The following RGS8 variants were observed in gnomAD, a reference collection of about 807,000 sequenced individuals.
RGS8 encodes the protein regulator of G protein signaling 8.
A neutral mutation model predicts 21.7 loss-of-function variants in RGS8; 8 were observed. The observed-to-expected ratio is 0.37, with a 90% confidence interval of 0.22 to 0.66. RGS8 has a LOEUF of 0.66. RGS8 is among the 30% of genes least tolerant of loss of function. RGS8 has a pLI of 0.59. For missense variants in RGS8, 157 were observed against 217.9 expected, an observed-to-expected ratio of 0.72 and a Z score of 1.76; for synonymous variants, 80 against 83.6, an observed-to-expected ratio of 0.96 and a Z score of 0.24.
rs574128018 is a variant in RGS8, at chr1:182,650,264, A to C, written c.194-1961T>G. Among the ~76,000 whole-genome samples the C allele has an allele frequency of 3.9e-5, 6 of 152,278 alleles. No homozygotes were observed. In the East Asian group the frequency reaches 1.2e-3, roughly 29 times the overall value. On this transcript the variant is annotated intron_variant, in intron 5 of 6. Transcript: ENST00000483095. ...ACCTGGGCATCTGACGTCCACCACT[A>C]TCCACCAGGACCGTGCACTGGCCAG...
At chr1:182,701,797 G>C in the RGS8 span, among the ~76,000 whole-genome samples, 1 of 152,100 alleles carries the variant, frequency 6.6e-6, no homozygotes, top group South Asian at 2.1e-4. Flanking sequence ...CACTGCTGGG[G>C]TTCTCTACTT....
intron 5 of RGS8, among the ~76,000 whole-genome samples, chr1:182,664,284 T>TA (rs1553220368): frequency 0.037 from 5,456 of 149,072 alleles, 206 homozygotes; most frequent in African/African-American, 0.091. Context: ...AAGTATCATT[T>TA]AAAAAAAAAA....
chr1:182,740,527 T>C, the RGS8 span, among the ~76,000 whole-genome samples: 2 of 144,620 alleles, frequency 1.4e-5, no homozygotes, highest in Non-Finnish European at 3.0e-5. Flanking sequence ...TTTGAACTCA[T>C]GTTGTTTTTT....
chr1:182,709,648 T>C, the RGS8 span, among the ~76,000 whole-genome samples: 5 of 152,174 alleles, frequency 3.3e-5, no homozygotes, highest in African/African-American at 1.2e-4. Flanking sequence ...CTCCCCTGCC[T>C]AGGTGGCAAG....
At chr1:182,653,880 G>A (rs1157290552) in intron 5 of RGS8, among the ~76,000 whole-genome samples, 1 of 152,230 alleles carries the variant, frequency 6.6e-6, no homozygotes, top group East Asian at 1.9e-4. Context: ...ATGAATGCAG[G>A]AAAGTTTCTC....
At chr1:182,662,032 G>A (rs6686466) in intron 5 of RGS8, among the ~76,000 whole-genome samples, 5,061 of 152,258 alleles carry the variant, frequency 0.033, 277 homozygotes, top group African/African-American at 0.12. Context: ...TGCTTAGCTA[G>A]TGGTTACTTC....
In RGS8 at chr1:182,655,289, CT is replaced by C. The variant is rs756388159; in HGVS notation, c.194-6987del. ...TGACCACTGAAGTGGAAGGAGAGGA[CT>C]CCCACTGTAGGGCAAGACAAGGAGG... On this transcript the variant is annotated intron_variant, in intron 5 of 6. Transcript: ENST00000483095. Among the ~76,000 whole-genome samples, 50 of 152,316 alleles carry C rather than the reference CT, an allele frequency of 3.3e-4. No individual in the cohort carries two copies. The East Asian group carries it at 6.7e-3, about 21-fold the overall frequency.
chr1:182,687,083 C>G (rs964560451), upstream of RGS8, among the ~76,000 whole-genome samples: 4 of 152,028 alleles, frequency 2.6e-5, no homozygotes, highest in Admixed American at 2.0e-4. Flanking sequence ...CAGTGCGTCT[C>G]AGACTTTAAG....
downstream of RGS8, chr1:182,645,473 G>A (rs947493408): frequency 6.6e-6 from 1 of 152,164 alleles, no homozygotes; most frequent in African/African-American, 2.4e-5. Context: ...CATCCTCCAA[G>A]GAAGAATTGC....
intron 5 of RGS8, among the ~76,000 whole-genome samples, chr1:182,665,757 A>G (rs1663826080): frequency 6.6e-6 from 1 of 152,216 alleles, no homozygotes; most frequent in Non-Finnish European, 1.5e-5. Context: ...CTTTGAACCC[A>G]GAAAACAGAA....
At chr1:182,711,840 T>A in the RGS8 span, among the ~76,000 whole-genome samples, 3 of 152,232 alleles carry the variant, frequency 2.0e-5, no homozygotes, top group Admixed American at 6.5e-5. Context: ...TAACCTGATC[T>A]TCCCATCATA....
chr1:182,744,898 A>G, the RGS8 span, among the ~76,000 whole-genome samples: 3 of 152,314 alleles, frequency 2.0e-5, no homozygotes, highest in African/African-American at 7.2e-5. Context: ...GCCACTCTCT[A>G]TTATCCCCTT....
the RGS8 span, among the ~76,000 whole-genome samples, chr1:182,700,084 G>A: frequency 1.3e-5 from 2 of 152,178 alleles, no homozygotes; most frequent in Non-Finnish European, 2.9e-5. Context: ...TGAGTCTTGA[G>A]TGCATAACAA....
At chr1:182,655,229 C>G (rs758136308) in intron 5 of RGS8, among the ~76,000 whole-genome samples, 1 of 152,206 alleles carries the variant, frequency 6.6e-6, no homozygotes, top group Non-Finnish European at 1.5e-5. Flanking sequence ...GCCTCTAGCT[C>G]TGTGTGACAG....
the RGS8 span, among the ~76,000 whole-genome samples, chr1:182,723,452 T>G: frequency 6.6e-6 from 1 of 152,166 alleles, no homozygotes; most frequent in Non-Finnish European, 1.5e-5. Flanking sequence ...GAAGTTTCTC[T>G]ATGACACAGA....
chr1:182,676,182 C>A (rs1344024988), upstream of RGS8, among the ~76,000 whole-genome samples: 1 of 152,158 alleles, frequency 6.6e-6, no homozygotes, highest in Non-Finnish European at 1.5e-5. Context: ...CATTGTCACA[C>A]AGGCCATGAG....
At chr1:182,690,402 T>A in the RGS8 span, among the ~76,000 whole-genome samples, 1 of 152,254 alleles carries the variant, frequency 6.6e-6, no homozygotes, top group Non-Finnish European at 1.5e-5. Flanking sequence ...CCTCACCTTA[T>A]CCCAGGTATT....
chr1:182,648,925 A>G (rs2102407264), intron 5 of RGS8, among the ~76,000 whole-genome samples: 1 of 152,244 alleles, frequency 6.6e-6, no homozygotes, highest in East Asian at 1.9e-4. Flanking sequence ...ACATGGCAAA[A>G]CGTCATCTCT....
chr1:182,652,404 G>A (rs895744597), intron 5 of RGS8, among the ~76,000 whole-genome samples: 1 of 152,238 alleles, frequency 6.6e-6, no homozygotes, highest in African/African-American at 2.4e-5. Flanking sequence ...TCTTTGTGCG[G>A]ATGAGTAGAG....
Sources: gnomAD v4.1 joint callset for allele counts (sites outside exome capture counted in the v4.1 genomes callset) on GRCh38, gnomAD v4.1.1 for gene constraint, MANE v1.5 for transcripts, NCBI Gene and HGNC (gene_info 2026-07-23, HGNC 2026-07-21) for gene names.